DHRS4L2: variants seen among roughly 807,000 people sequenced by gnomAD.
The protein encoded by DHRS4L2 is dehydrogenase/reductase SDR family member 4-like 2.
DHRS4L2 carries 22 observed loss-of-function variants against 23.9 expected under a neutral mutation model. The ratio of observed to expected loss-of-function variants is 0.92; its 90% CI spans 0.66 to 1.31. DHRS4L2 has a LOEUF of 1.31. DHRS4L2 is among the 40% of genes most tolerant of loss of function. DHRS4L2 has a pLI of 0.00. For missense variants in DHRS4L2, 385 were observed against 303.3 expected, an observed-to-expected ratio of 1.27 and a Z score of -2.00; for synonymous variants, 141 against 123.7, an observed-to-expected ratio of 1.14 and a Z score of -0.93.
rs1252003939 is a variant in DHRS4L2 at position 23,991,758 on chromosome 14, CAG to C, written c.306+1402_306+1403del. Among the ~76,000 whole-genome samples, 5 of 141,302 alleles carry C rather than the reference CAG, an allele frequency of 3.5e-5. 1 individual carries two copies. Among genetic ancestry groups the C allele is most frequent in the South Asian group, 4.5e-4 (2 of 4,454 alleles). The allele number at this position is 141,302 out of a possible 152,430, so 92.7% of individuals were successfully genotyped here. A position where few individuals can be genotyped will look rare whatever the true frequency, so the allele number is the denominator to read the frequency against. ...ATATCTTTTTTTTTTTTTTTTGAGACAGAGTTTCATTCTTGTTGCCCAGGCTG... is the reference window on the plus strand; with the variant it reads ...ATATCTTTTTTTTTTTTTTTTGAGACAGTTTCATTCTTGTTGCCCAGGCTG... On this transcript the variant is annotated intron_variant, in intron 2 of 7. Transcript: ENST00000335125.
intron 1 of DHRS4L2, among the ~76,000 whole-genome samples, chr14:23,973,051 C>G (rs547199483): frequency 6.6e-6 from 1 of 151,872 alleles, no homozygotes; most frequent in Admixed American, 6.5e-5. Context: ...TATACCGAGA[C>G]ATTTAGTTCC....
chr14:23,970,349 G>C lies in DHRS4L2; in HGVS notation c.-176+17G>C, dbSNP rs758320923. Reference sequence around the variant, plus strand: ...GCTTGACAGGTAGGGTGGAGAGGGCGGTGGGGGGCGGGGGGCCGAAACTGC... The same window carrying C: ...GCTTGACAGGTAGGGTGGAGAGGGCCGTGGGGGGCGGGGGGCCGAAACTGC... On this transcript the variant is annotated intron_variant, in intron 1 of 5. Transcript: ENST00000534993. 715 of 418,420 alleles carry C rather than the reference G, an allele frequency of 1.7e-3. 11 individuals carry two copies. The highest frequency in any genetic ancestry group is 0.016 in the Admixed American group (631 of 40,466). The allele number at this position is 418,420 out of a possible 1,614,324, so 25.9% of individuals were successfully genotyped here.
intron 7 of DHRS4L2, among the ~76,000 whole-genome samples, chr14:24,005,579 T>C (rs2034556233): frequency 6.6e-6 from 1 of 152,052 alleles, no homozygotes; most frequent in African/African-American, 2.4e-5. Context: ...AAGTATGAAA[T>C]AATTAATTGC....
chr14:24,001,287 C>G (rs2034483334), intron 5 of DHRS4L2, 97 bp from the exon 6 acceptor site: 1 of 1,568,416 alleles, frequency 6.4e-7, no homozygotes, highest in Non-Finnish European at 8.6e-7. Context: ...CCCTCCCTTA[C>G]AGGAGATCCC....
chr14:23,975,464 A>G (rs1427830074), intron 1 of DHRS4L2, among the ~76,000 whole-genome samples: 3 of 151,852 alleles, frequency 2.0e-5, no homozygotes, highest in Non-Finnish European at 4.4e-5. Flanking sequence ...TTGCATGCTC[A>G]TCGATAGGAA....
chr14:24,004,284 A>G lies in DHRS4L2; in HGVS notation c.666-53A>G, dbSNP rs1166593423. On this transcript the variant is annotated intron_variant, in intron 6 of 7. Transcript: ENST00000335125. ...ACTCCGTCTCTAAAAAAAAAAAAAAAAAAAGAAAGGAAAAGAAAAAAAAAC... is the reference window on the plus strand; with the variant it reads ...ACTCCGTCTCTAAAAAAAAAAAAAAGAAAAGAAAGGAAAAGAAAAAAAAAC... The G allele has an allele frequency of 1.1e-4, 170 of 1,530,804 alleles. 1 individual carries two copies. Among genetic ancestry groups the G allele is most frequent in the East Asian group, 2.7e-4 (11 of 41,382 alleles). 94.8% of individuals were successfully genotyped at this position (1,530,804 alleles called of 1,614,324 possible).
chr14:23,971,292 G>C (rs199945953), intron 1 of DHRS4L2, among the ~76,000 whole-genome samples: 41 of 152,104 alleles, frequency 2.7e-4, no homozygotes, highest in Middle Eastern at 3.4e-3. Context: ...AATGAAGAAT[G>C]TAGAGAAGAG....
chr14:23,970,795 T>G (rs1237342137), intron 1 of DHRS4L2, among the ~76,000 whole-genome samples: 1 of 152,034 alleles, frequency 6.6e-6, no homozygotes, highest in East Asian at 1.9e-4. Flanking sequence ...CAGCAATATT[T>G]GCTGTTCTGC....
intron 1 of DHRS4L2, among the ~76,000 whole-genome samples, chr14:23,981,640 T>G (rs113026804): frequency 0.012 from 1,823 of 151,656 alleles, 66 homozygotes; most frequent in African/African-American, 0.042. Context: ...GGACCCACAC[T>G]GGCACCAGTC....
chr14:23,995,128 G>T lies in DHRS4L2; in HGVS notation c.403G>T (p.Asp135Tyr), dbSNP rs143083153. Residue 135 changes from aspartate to tyrosine, a missense_variant, in exon 3 of 8, where the codon GAC becomes TAC. Physicochemically the swap from Asp to Tyr is radical, Grantham distance 160. Transcript: ENST00000335125. ...AATGGATGTCACCGAGGAGGTGTGG[G>T]ACAAGGTGAGAGGGGATTAAAGAAG... is the stretch of plus-strand genomic sequence containing the variant. Reference protein sequence around the residue: ...SLMDVTEEVWDKTLDINVKAP... With the variant: ...SLMDVTEEVWYKTLDINVKAP... 2.5e-6 allele frequency: 4 copies of T among 1,612,748 alleles called. No individual in the cohort carries two copies. Among genetic ancestry groups the T allele is most frequent in the East Asian group, 2.2e-5 (1 of 44,878 alleles).
At chr14:23,977,626 C>T (rs1339304384) in intron 1 of DHRS4L2, among the ~76,000 whole-genome samples, 4 of 151,710 alleles carry the variant, frequency 2.6e-5, no homozygotes, top group Non-Finnish European at 5.9e-5. Flanking sequence ...TGACTGTGAT[C>T]TGAGTCGTAT....
At chr14:23,994,872 T>C (rs7142727) in intron 2 of DHRS4L2, among the ~76,000 whole-genome samples, 160 bp from the exon 3 acceptor site, 26,749 of 149,386 alleles carry the variant, frequency 0.18, 3,222 homozygotes, top group East Asian at 0.54. Context: ...TTCTCTCAAA[T>C]TCCTCAGCTC....
At chr14:23,994,542 C>T (rs911491562) in intron 2 of DHRS4L2, among the ~76,000 whole-genome samples, 3 of 151,232 alleles carry the variant, frequency 2.0e-5, no homozygotes, top group Non-Finnish European at 3.0e-5. Flanking sequence ...ACAAAAATTG[C>T]CCGGGTGTGG....
At chr14:23,974,748 C>G (rs2033933909) in intron 1 of DHRS4L2, among the ~76,000 whole-genome samples, 1 of 151,712 alleles carries the variant, frequency 6.6e-6, no homozygotes, top group South Asian at 2.1e-4. Flanking sequence ...GAAATTGAGG[C>G]AATAATTAAT....
chr14:23,972,070 G>A (rs1407373566), intron 1 of DHRS4L2, among the ~76,000 whole-genome samples: 2 of 152,036 alleles, frequency 1.3e-5, no homozygotes, highest in African/African-American at 4.8e-5. Context: ...ATGGTGTGCT[G>A]TATTCAGGAG....
intron 3 of DHRS4L2, among the ~76,000 whole-genome samples, chr14:23,996,667 C>G (rs1199231808): frequency 1.2e-5 from 1 of 81,830 alleles, no homozygotes; most frequent in Non-Finnish European, 2.1e-5. Flanking sequence ...TTTTTTTTCC[C>G]CCTCGCTGTG....
At chr14:23,976,866 A>C (rs1191446710) in intron 1 of DHRS4L2, among the ~76,000 whole-genome samples, 1 of 151,808 alleles carries the variant, frequency 6.6e-6, no homozygotes, top group Admixed American at 6.6e-5. Context: ...AGAAAACCAA[A>C]CGCTGCATCT....
chr14:24,001,543 A>G (rs1566501591), intron 6 of DHRS4L2, 26 bp downstream of exon 6: 1 of 1,599,140 alleles, frequency 6.3e-7, no homozygotes, highest in Non-Finnish European at 8.5e-7. Flanking sequence ...TTTGCATTTG[A>G]CTGGGACCCC....
chr14:23,984,319 T>C (rs930351920), upstream of DHRS4L2, among the ~76,000 whole-genome samples: 1 of 151,708 alleles, frequency 6.6e-6, no homozygotes, highest in African/African-American at 2.4e-5. Context: ...ATTTTTATAA[T>C]TTAATGAACA....
Sources: allele counts gnomAD v4.1 joint callset (sites outside exome capture counted in the v4.1 genomes callset), GRCh38; gene constraint gnomAD v4.1.1; transcripts MANE v1.5; gene names NCBI Gene and HGNC (gene_info 2026-07-23, HGNC 2026-07-21).